Variants in E2F5 observed in about 807,000 individuals in gnomAD.
E2F5 encodes transcription factor E2F5.
Under a neutral mutation model 39.1 loss-of-function variants are expected in E2F5, and 23 were observed. The ratio of observed to expected loss-of-function variants is 0.59; its 90% confidence interval spans 0.42 to 0.83. E2F5 has a LOEUF of 0.83. Ranked by LOEUF, E2F5 falls within the 40% of genes least tolerant of loss-of-function variation. The pLI is 0.00. For missense variants in E2F5, 365 were observed against 406.7 expected (o/e 0.90, Z 0.88); for synonymous variants, 145 against 157.8 (o/e 0.92, Z 0.61).
intron 1 of E2F5, among the ~76,000 whole-genome samples, chr8:85,178,664 CA>C (rs1460847196): frequency 3.9e-5 from 6 of 152,222 alleles, no homozygotes; most frequent in Non-Finnish European, 8.8e-5. Context: ...CCCCAGCTCC[CA>C]GGGGAGTGCC....
At chr8:85,189,976 G>A (rs917529038) in intron 1 of E2F5, among the ~76,000 whole-genome samples, 7 of 152,042 alleles carry the variant, frequency 4.6e-5, no homozygotes, top group African/African-American at 1.4e-4. Flanking sequence ...TAGGAACTCC[G>A]GGACTCAAAA....
At chr8:85,203,581 G>A (rs1250722862) in intron 3 of E2F5, among the ~76,000 whole-genome samples, 2 of 151,710 alleles carry the variant, frequency 1.3e-5, no homozygotes, top group African/African-American at 4.8e-5. Flanking sequence ...CCATTGTTAA[G>A]TACATTTGTA....
chr8:85,179,987 T>C (rs1003112454), intron 1 of E2F5, among the ~76,000 whole-genome samples: 1 of 150,908 alleles, frequency 6.6e-6, no homozygotes, highest in Admixed American at 6.6e-5. Context: ...ATCTTTCCAA[T>C]GATATTTCTT....
rs980607381 is a variant in E2F5, at chr8:85,186,942, T to C, written c.234+9288T>C. 1.7e-4 allele frequency among the ~76,000 whole-genome samples: 20 copies of C among 120,792 alleles called. No individual in the cohort carries two copies. The East Asian group carries it at 4.0e-3, about 24-fold the overall frequency. 79.2% of individuals were successfully genotyped at this position (120,792 alleles called of 152,430 possible). On this transcript the variant is annotated intron_variant, in intron 1 of 7. Coordinates refer to ENST00000416274, the MANE Select transcript of E2F5 (RefSeq NM_001951.4). Reference sequence around the variant, plus strand: ...ATATATATAAATTCCTCCTTAGTTTTCTCTAACAATCCAAGCATAAAAAAA... The same window carrying C: ...ATATATATAAATTCCTCCTTAGTTTCCTCTAACAATCCAAGCATAAAAAAA...
chr8:85,193,501 T>G (rs996402692), intron 1 of E2F5, among the ~76,000 whole-genome samples: 6 of 152,082 alleles, frequency 3.9e-5, no homozygotes, highest in Non-Finnish European at 7.4e-5. Context: ...AATCAATCAA[T>G]AAAATGCTCC....
At chr8:85,180,692 C>T (rs1438454938) in intron 1 of E2F5, among the ~76,000 whole-genome samples, 19 of 148,788 alleles carry the variant, frequency 1.3e-4, no homozygotes, top group African/African-American at 4.7e-4. Context: ...ATTCTCCTGC[C>T]TCAGCCTCCC....
chr8:85,205,986 C>T (rs1177105122), intron 3 of E2F5, among the ~76,000 whole-genome samples, 191 bp from the exon 4 acceptor site: 1 of 152,030 alleles, frequency 6.6e-6, no homozygotes, highest in Admixed American at 6.6e-5. Flanking sequence ...AGAATGGCTT[C>T]TTCTAAGAGC....
intron 1 of E2F5, among the ~76,000 whole-genome samples, chr8:85,186,570 GGT>G (rs375685800): frequency 1.4e-5 from 2 of 147,206 alleles, no homozygotes; most frequent in African/African-American, 5.0e-5. Flanking sequence ...GTATATATAT[GGT>G]GTGTGTGTAT....
intron 1 of E2F5, among the ~76,000 whole-genome samples, chr8:85,201,191 C>T (rs887658739): frequency 8.5e-5 from 13 of 152,192 alleles, no homozygotes; most frequent in Non-Finnish European, 1.8e-4. Context: ...AGTAGTGATG[C>T]TCTCTGGGAG....
intron 1 of E2F5, among the ~76,000 whole-genome samples, chr8:85,196,537 G>T (rs955834775): frequency 2.6e-5 from 4 of 152,072 alleles, no homozygotes; most frequent in Non-Finnish European, 4.4e-5. Context: ...TATTTGAATT[G>T]CTTCTTCAAT....
chr8:85,204,037 T>C (rs1164556477), intron 3 of E2F5, among the ~76,000 whole-genome samples: 1 of 151,998 alleles, frequency 6.6e-6, no homozygotes, highest in African/African-American at 2.4e-5. Flanking sequence ...TACAATATAA[T>C]TTACTTTTCA....
intron 1 of E2F5, among the ~76,000 whole-genome samples, chr8:85,185,305 G>A (rs1812306199): frequency 6.6e-6 from 1 of 152,106 alleles, no homozygotes; most frequent in African/African-American, 2.4e-5. Context: ...AAACTGGCTA[G>A]CCATATGCAG....
chr8:85,209,609 T>C (rs909851829), intron 6 of E2F5, among the ~76,000 whole-genome samples, 200 bp downstream of exon 6: 5 of 152,230 alleles, frequency 3.3e-5, no homozygotes, highest in African/African-American at 9.6e-5. Context: ...CACACCTTAT[T>C]CACATAGCCT....
At chr8:85,210,231 C>G (rs1252275986) in intron 6 of E2F5, among the ~76,000 whole-genome samples, 1 of 152,142 alleles carries the variant, frequency 6.6e-6, no homozygotes, top group African/African-American at 2.4e-5. Context: ...TAGGATGTGT[C>G]TCATTGCTAA....
At chr8:85,181,826 G>A (rs1290235991) in intron 1 of E2F5, among the ~76,000 whole-genome samples, 1 of 151,614 alleles carries the variant, frequency 6.6e-6, no homozygotes, top group Non-Finnish European at 1.5e-5. Context: ...GCCAGGCGTC[G>A]TGGAGGCGCC....
At chr8:85,183,779 T>C (rs759603533) in intron 1 of E2F5, among the ~76,000 whole-genome samples, 3 of 152,176 alleles carry the variant, frequency 2.0e-5, no homozygotes, top group Non-Finnish European at 4.4e-5. Flanking sequence ...TTAATGGATG[T>C]TATAGGCTGA....
rs770996268 is a variant in E2F5, at chr8:85,202,448, G to A, written c.344+192G>A. 3.3e-5 allele frequency among the ~76,000 whole-genome samples: 5 copies of A among 151,994 alleles called. No individual in the cohort carries two copies. In the South Asian group the frequency reaches 1.0e-3, roughly 32 times the overall value. On this transcript the variant is annotated intron_variant, in intron 2 of 7. Coordinates refer to ENST00000416274, the MANE Select transcript of E2F5 (RefSeq NM_001951.4). ...GTTCCCTTGCTCTCTTGGATATTGG[G>A]TTTTCGCTCTTAAAATTCAAATCTT...
chr8:85,194,527 G>GT (rs1812536683), intron 1 of E2F5, among the ~76,000 whole-genome samples: 1 of 138,640 alleles, frequency 7.2e-6, no homozygotes. Flanking sequence ...TTTTTTGTTT[G>GT]TTTCTCTTTT....
intron 1 of E2F5, among the ~76,000 whole-genome samples, chr8:85,192,710 T>G (rs1812491504): frequency 6.6e-6 from 1 of 152,224 alleles, no homozygotes; most frequent in African/African-American, 2.4e-5. Flanking sequence ...AGCATAATAA[T>G]AGTTTTTAAG....
Sources: gnomAD v4.1 joint callset for allele counts (sites outside exome capture counted in the v4.1 genomes callset) on GRCh38, gnomAD v4.1.1 for gene constraint, MANE v1.5 for transcripts, NCBI Gene and HGNC (gene_info 2026-07-23, HGNC 2026-07-21) for gene names.